The following BRAF variants were observed in gnomAD, a reference collection of about 807,000 sequenced individuals.
BRAF encodes B-Raf proto-oncogene, serine/threonine kinase.
BRAF carries 16 observed loss-of-function variants against 104.6 expected under a neutral mutation model. The observed-to-expected ratio is 0.15, with a 90% CI of 0.10 to 0.23. BRAF has a LOEUF of 0.23. BRAF is among the 10% of genes least tolerant of loss of function. BRAF has a pLI of 1.00. For synonymous variants in BRAF, 310 were observed against 341.6 expected (o/e 0.91, Z 1.02); for missense variants, 541 against 937.3 (o/e 0.58, Z 5.52).
chr7:140,821,108 C>G (rs900138693), intron 3 of BRAF, among the ~76,000 whole-genome samples: 1 of 152,030 alleles, frequency 6.6e-6, no homozygotes, highest in African/African-American at 2.4e-5. Context: ...TATCCCGCCT[C>G]AGTCTCCCAA....
intron 17 of BRAF, among the ~76,000 whole-genome samples, chr7:140,746,234 T>C (rs1054987950): frequency 6.6e-6 from 1 of 152,102 alleles, no homozygotes; most frequent in African/African-American, 2.4e-5. Flanking sequence ...GCACTTCTAC[T>C]CCAAGGAACG....
At chr7:140,808,250 A>G (rs1394295651) in intron 4 of BRAF, 188 bp from the exon 5 acceptor site, 3 of 634,912 alleles carry the variant, frequency 4.7e-6, no homozygotes, top group Admixed American at 4.2e-5. Flanking sequence ...AAATAAATGT[A>G]TCACTCTTGG....
chr7:140,757,427 C>G (rs1159265979), intron 14 of BRAF, among the ~76,000 whole-genome samples: 1 of 151,864 alleles, frequency 6.6e-6, no homozygotes, highest in African/African-American at 2.4e-5. Flanking sequence ...GTAGCTGGGA[C>G]TACAGGCGCG....
chr7:140,917,035 T>C, intron 1 of BRAF, among the ~76,000 whole-genome samples: 1 of 152,156 alleles, frequency 6.6e-6, no homozygotes, highest in East Asian at 1.9e-4. Context: ...CAAAAGAAAT[T>C]TGATAAATGT....
chr7:140,737,701 C>T (rs1448769295), intron 18 of BRAF, among the ~76,000 whole-genome samples: 1 of 152,094 alleles, frequency 6.6e-6, no homozygotes, highest in East Asian at 1.9e-4. Context: ...TTTCCTACCT[C>T]AAAACTATAA....
intron 1 of BRAF, among the ~76,000 whole-genome samples, chr7:140,880,187 T>G (rs1327271982): frequency 1.3e-5 from 2 of 152,310 alleles, no homozygotes; most frequent in African/African-American, 2.4e-5. Context: ...AATCTGCCAG[T>G]GCTTCATCAA....
chr7:140,775,584 C>CT (rs139256808), intron 14 of BRAF, among the ~76,000 whole-genome samples: 14,848 of 152,152 alleles, frequency 0.098, 790 homozygotes, highest in South Asian at 0.19. Flanking sequence ...GGTGATCCGC[C>CT]TGCCTCGGCC....
intron 1 of BRAF, among the ~76,000 whole-genome samples, chr7:140,920,129 A>C (rs1444281223): frequency 6.6e-6 from 1 of 152,134 alleles, no homozygotes; most frequent in Non-Finnish European, 1.5e-5. Flanking sequence ...AGCTACTGAC[A>C]AAAAAAGGCT....
At chr7:140,910,175 G>C (rs568626260) in intron 1 of BRAF, among the ~76,000 whole-genome samples, 105 of 151,994 alleles carry the variant, frequency 6.9e-4, no homozygotes, top group African/African-American at 2.3e-3. Flanking sequence ...ATCTAATTTT[G>C]TCAAATTTTA....
At chr7:140,893,797 C>T (rs974544478) in intron 1 of BRAF, among the ~76,000 whole-genome samples, 1 of 152,084 alleles carries the variant, frequency 6.6e-6, no homozygotes, top group African/African-American at 2.4e-5. Flanking sequence ...CCCCATCTAT[C>T]ACTATCAAAT....
intron 2 of BRAF, among the ~76,000 whole-genome samples, chr7:140,849,056 C>A (rs1808864452): frequency 6.6e-6 from 1 of 152,220 alleles, no homozygotes; most frequent in South Asian, 2.1e-4. Context: ...GCAACCTGAT[C>A]ATTTCTAATT....
downstream of BRAF, among the ~76,000 whole-genome samples, chr7:140,714,816 G>A (rs941296936): frequency 1.3e-5 from 2 of 151,218 alleles, no homozygotes; most frequent in Admixed American, 6.6e-5. Context: ...GGCACTGGGT[G>A]AGGTGCTAGA....
At chr7:140,920,246 A>T (rs1436712171) in intron 1 of BRAF, among the ~76,000 whole-genome samples, 1 of 152,242 alleles carries the variant, frequency 6.6e-6, no homozygotes, top group African/African-American at 2.4e-5. Context: ...CTAAATTAAC[A>T]ACATCAAAGT....
chr7:140,736,026 G>A (rs1329488440), intron 18 of BRAF, among the ~76,000 whole-genome samples: 1 of 151,008 alleles, frequency 6.6e-6, no homozygotes, highest in African/African-American at 2.4e-5. Context: ...CTCAAATCCT[G>A]CTCTCCAGGG....
chr7:140,749,721 C>T (rs185929539), intron 16 of BRAF, among the ~76,000 whole-genome samples: 12 of 152,306 alleles, frequency 7.9e-5, no homozygotes, highest in Admixed American at 7.8e-4. Flanking sequence ...CTTCCCATGA[C>T]TTACCCTATT....
At chr7:140,734,976 G>C (rs1314195266) in intron 18 of BRAF, among the ~76,000 whole-genome samples, 2 of 151,872 alleles carry the variant, frequency 1.3e-5, no homozygotes, top group Non-Finnish European at 2.9e-5. Context: ...GTAAATAATT[G>C]GTATTTTTTC....
intron 1 of BRAF, among the ~76,000 whole-genome samples, chr7:140,902,569 A>G (rs150372006): frequency 6.6e-6 from 1 of 152,350 alleles, no homozygotes; most frequent in African/African-American, 2.4e-5. Flanking sequence ...AAACAGCCAG[A>G]TTGTAAATGC....
intron 1 of BRAF, among the ~76,000 whole-genome samples, chr7:140,906,415 T>C (rs2129134796): frequency 6.6e-6 from 1 of 152,362 alleles, no homozygotes. Context: ...TTGCCCAGGC[T>C]GGTCTCAAAT....
At chr7:140,857,442 A>G (rs1809921965) in intron 1 of BRAF, among the ~76,000 whole-genome samples, 1 of 152,202 alleles carries the variant, frequency 6.6e-6, no homozygotes, top group Non-Finnish European at 1.5e-5. Flanking sequence ...AGTACACCAC[A>G]TTTGTGGTGT....
Sources: allele counts gnomAD v4.1 joint callset (sites outside exome capture counted in the v4.1 genomes callset), GRCh38; gene constraint gnomAD v4.1.1; transcripts MANE v1.5; gene names NCBI Gene and HGNC (gene_info 2026-07-23, HGNC 2026-07-21).